The following NKPD1 variants were observed in gnomAD, a reference collection of about 807,000 sequenced individuals.
NKPD1 encodes NTPase KAP family P-loop domain-containing protein 1.
NKPD1 carries 37 observed loss-of-function variants against 42.2 expected under a neutral mutation model. The observed-to-expected ratio is 0.88, with a 90% confidence interval of 0.67 to 1.15. The LOEUF (loss-of-function observed/expected upper bound fraction) is 1.15. Ranked by LOEUF, NKPD1 falls within the 50% of genes most tolerant of loss-of-function variation. The probability of loss-of-function intolerance (pLI) is 0.00; values close to 1 mark genes in which losing one functional copy is unlikely to be tolerated. For missense variants in NKPD1, 1,113 were observed against 1,174.6 expected, an observed-to-expected ratio of 0.95 and a Z score of 0.77; for synonymous variants, 552 against 536.5, an observed-to-expected ratio of 1.03 and a Z score of -0.40.
chr19:45,155,186 T>C (rs913747692), intron 4 of NKPD1, among the ~76,000 whole-genome samples: 5 of 151,540 alleles, frequency 3.3e-5, no homozygotes, highest in Non-Finnish European at 7.4e-5. Flanking sequence ...GGCGTGGTGG[T>C]GAGCGCCTGT....
intron 3 of NKPD1, among the ~76,000 whole-genome samples, chr19:45,156,540 A>G (rs904759222): frequency 6.6e-6 from 1 of 152,172 alleles, no homozygotes; most frequent in Non-Finnish European, 1.5e-5. Flanking sequence ...TTCCCTCTGA[A>G]GAGTGGGGCA....
At position 45,160,720 on chromosome 19, in the gene NKPD1, G is replaced by A. The variant is rs145186005; in HGVS notation, c.-72+205C>T. The stretch of plus-strand genomic sequence containing the variant: ...AATTGTGAGGGAGCAATGAAATCGC[G>A]GTGGTCCAATTTGGGGAGAGGCTCA... On this transcript the variant is annotated intron_variant, in intron 1 of 4. Coordinates refer to ENST00000686631, the MANE Select transcript of NKPD1 (RefSeq NM_198478.4). Among the ~76,000 whole-genome samples the A allele has an allele frequency of 7.2e-4, 109 of 152,132 alleles. 1 individual carries two copies. The East Asian group carries it at 0.019, about 26-fold the overall frequency.
Position 45,153,568 on chromosome 19 carries a change from T to C in NKPD1, c.869A>G (p.Asp290Gly). Residue 290 changes from aspartate to glycine, a missense_variant, in exon 5 of 5, where the codon GAC becomes GGC. This residue lies in a region of NKPD1 where 867 missense variants were observed against 870.1 expected (regional missense o/e 1.00). Coordinates refer to ENST00000686631, the MANE Select transcript of NKPD1 (RefSeq NM_198478.4). ...RFSAWQYAGT[D>G]KLWAGLVTTL... ...GGTCACCAGGCCGGCCCACAGCTTG[T>C]CGGTGCCCGCGTACTGCCAGGCGCT... The C allele has an allele frequency of 6.4e-7, 1 of 1,555,890 alleles. No individual in the cohort carries two copies. The highest frequency in any genetic ancestry group is 8.7e-7 in the Non-Finnish European group (1 of 1,147,208).
chr19:45,155,930 G>A lies in NKPD1; in HGVS notation c.530-14C>T, dbSNP rs573507874. On this transcript the variant is annotated splice_polypyrimidine_tract_variant and intron_variant, in intron 3 of 4. Transcript: ENST00000686631. ...CTGTCAGGATGTCTGGTGGTTGGGA[G>A]TGGGGACACTGAGTCAGGACCACTG... 4.6e-6 allele frequency: 6 copies of A among 1,303,190 alleles called. No individual in the cohort carries two copies. The Admixed American group carries it at 6.9e-5, about 15-fold the overall frequency. 80.7% of individuals were successfully genotyped at this position (1,303,190 alleles called of 1,614,324 possible). A position where few individuals can be genotyped will look rare whatever the true frequency, so the allele number is the denominator to read the frequency against.
At chr19:45,153,922 A>AATT in intron 4 of NKPD1, 147 bp from the exon 5 acceptor site, 1 of 764,868 alleles carries the variant, frequency 1.3e-6, no homozygotes, top group Non-Finnish European at 1.9e-6. Context: ...CCGCTCCTTA[A>AATT]AGAGCTGGAA....
chr19:45,157,227 G>A (rs1968919920), intron 3 of NKPD1, among the ~76,000 whole-genome samples: 1 of 152,160 alleles, frequency 6.6e-6, no homozygotes, highest in African/African-American at 2.4e-5. Context: ...TCCATCCTCG[G>A]CTCCTGCCTC....
At position 45,152,510 on chromosome 19, in the gene NKPD1, C is replaced by T. The variant is rs1568455991; in HGVS notation, c.1927G>A (p.Gly643Arg). ...CGCGGCGTGGGGCCCCCAAAGTCCC[C>T]CTGCTGCTGCTGCTGCTGCAGCAGG... Reference protein sequence around the residue: ...VRLLQQQQQQGDFGGPTPRQA... With the variant: ...VRLLQQQQQQRDFGGPTPRQA... The change falls in exon 5 of 5, where the codon GGG (glycine) becomes AGG (arginine). Residue 643 changes from glycine (G) to arginine (R), a missense_variant. Physicochemically the swap from Gly to Arg is moderately radical, Grantham distance 125. Transcript: ENST00000686631. 3 of 1,568,274 alleles carry T rather than the reference C, an allele frequency of 1.9e-6. No individual in the cohort carries two copies. Among genetic ancestry groups the T allele is most frequent in the South Asian group, 2.3e-5 (2 of 87,258 alleles).
At position 45,150,756 on chromosome 19, in the gene NKPD1, C is replaced by T. The variant is rs894724436; in HGVS notation, c.*1182G>A. The T allele has an allele frequency of 1.3e-5, 2 of 152,306 alleles. No individual in the cohort carries two copies. The highest frequency in any genetic ancestry group is 2.9e-5 in the Non-Finnish European group (2 of 68,096). The allele number at this position is 152,306 out of a possible 1,614,324, so 9.4% of individuals were successfully genotyped here. On this transcript the variant is annotated 3_prime_UTR_variant, in exon 5 of 5. Transcript: ENST00000686631. ...GAGAACTCCGGTGCTGCAGCCAGAC[C>T]TGGATGCTATGCCCAGCCTTGGAAC... is the stretch of plus-strand genomic sequence containing the variant.
chr19:45,162,557 T>C (rs749809354), upstream of NKPD1, among the ~76,000 whole-genome samples: 3 of 151,460 alleles, frequency 2.0e-5, no homozygotes, highest in Non-Finnish European at 3.0e-5. Context: ...GCAGCAGGAG[T>C]GCGTAGGGGC....
Position 45,158,317 on chromosome 19 carries a change from G to A in NKPD1, c.529+346C>T, listed in dbSNP as rs1764432531. Among the ~76,000 whole-genome samples the A allele has an allele frequency of 6.6e-6, 1 of 152,210 alleles. No homozygotes were observed. Among genetic ancestry groups the A allele is most frequent in the South Asian group, 2.1e-4 (1 of 4,830 alleles). On this transcript the variant is annotated intron_variant, in intron 3 of 4. Transcript: ENST00000686631. This position sits in a 1 kb window ranked among gnomAD's most constrained non-coding sequence, Gnocchi z 4.6. ...CAACAACCCAGGGCTCACCATCCCTGCCCCATGTACCCTGTACCCTGCTGA... is the reference window on the plus strand; with the variant it reads ...CAACAACCCAGGGCTCACCATCCCTACCCCATGTACCCTGTACCCTGCTGA...
At position 45,151,583 on chromosome 19, in the gene NKPD1, G is replaced by T. The variant is rs940266277; in HGVS notation, c.*355C>A. On this transcript the variant is annotated 3_prime_UTR_variant, in exon 5 of 5. Coordinates refer to ENST00000686631, the MANE Select transcript of NKPD1 (RefSeq NM_198478.4). ...TGCCAGATGAGGAGGCCAGCATGGT[G>T]CAGAGGAGTAAGTGGGCTTAGCAGG... 1.3e-5 allele frequency: 3 copies of T among 230,812 alleles called. No individual in the cohort carries two copies. The highest frequency in any genetic ancestry group is 2.5e-5 in the Non-Finnish European group (3 of 119,926). The allele number at this position is 230,812 out of a possible 1,614,324, so 14.3% of individuals were successfully genotyped here.
At chr19:45,153,943 A>G in intron 4 of NKPD1, 168 bp from the exon 5 acceptor site, 1 of 652,642 alleles carries the variant, frequency 1.5e-6, no homozygotes, top group Non-Finnish European at 2.3e-6. Flanking sequence ...GCCGGTGCAG[A>G]AGCGGGGGCG....
At chr19:45,156,059 T>C in intron 3 of NKPD1, 143 bp from the exon 4 acceptor site, 1 of 743,022 alleles carries the variant, frequency 1.3e-6, no homozygotes, top group Non-Finnish European at 1.9e-6. Context: ...GCAGTGGAGG[T>C]TTCTGTGGCC....
chr19:45,157,448 G>C (rs1968924141), intron 3 of NKPD1, among the ~76,000 whole-genome samples: 1 of 152,206 alleles, frequency 6.6e-6, no homozygotes. Flanking sequence ...GTCTTGCTCT[G>C]TCACCCAGGC....
In NKPD1 at chr19:45,160,101, T is replaced by C. The variant is rs767653791; in HGVS notation, c.50A>G (p.Asn17Ser). The change falls in exon 2 of 5, where the codon AAC (asparagine) becomes AGC (serine). Residue 17 changes from asparagine (N) to serine (S), a missense_variant. Physicochemically the swap from Asn to Ser is conservative, Grantham distance 46 (BLOSUM62 1). Around this residue, in one of 3 missense-constraint regions of NKPD1, gnomAD observed 204 missense variants for 227.8 expected, o/e 0.90. Transcript: ENST00000686631. ...VHFAKDAQSPNGHYFWDPELG... is the reference protein window; with the variant it reads ...VHFAKDAQSPSGHYFWDPELG... ...CTCTGGGTCCCAGAAGTAGTGCCCG[T>C]TGGGGCTCTGGGCATCCTTGGCGAA... 7.7e-7 allele frequency: 1 copy of C among 1,304,812 alleles called. No homozygotes were observed. Among genetic ancestry groups the C allele is most frequent in the African/African-American group, 1.5e-5 (1 of 65,966 alleles). 80.8% of individuals were successfully genotyped at this position (1,304,812 alleles called of 1,614,324 possible).
Position 45,153,207 on chromosome 19 carries a change from CT to C in NKPD1, c.1229del (p.Lys410ArgfsTer21). ...TTTCACGCGACACCAGCCGCTCGAT[CT>C]TCTTGCGCTGGCTTACGAACAGGTG... Reference protein sequence around the residue: ...GKHLFVSQRKKIERLVSREKF... With the variant: ...GKHLFVSQRKXIERLVSREKF... On this transcript the variant is annotated frameshift_variant, in exon 5 of 5. Coordinates refer to ENST00000686631, the MANE Select transcript of NKPD1 (RefSeq NM_198478.4). LOFTEE classifies it high-confidence loss of function. 1 of 1,593,964 alleles carries C rather than the reference CT, an allele frequency of 6.3e-7. No individual in the cohort carries two copies.
upstream of NKPD1, among the ~76,000 whole-genome samples, chr19:45,162,566 G>A (rs1341240469): frequency 6.6e-6 from 1 of 152,114 alleles, no homozygotes; most frequent in Non-Finnish European, 1.5e-5. Flanking sequence ...GTGCGTAGGG[G>A]CCGCGTGTGT....
rs751798568 is a variant in NKPD1, at chr19:45,151,970, G to C, written c.2467C>G (p.Arg823Gly). 9 of 1,594,376 alleles carry C rather than the reference G, an allele frequency of 5.6e-6. No homozygotes were observed. The South Asian group carries it at 7.8e-5, about 14-fold the overall frequency. Residue 823 changes from arginine (R) to glycine (G), a missense_variant, in exon 5 of 5, where the codon CGT becomes GGT. This residue lies in a region of NKPD1 where 867 missense variants were observed against 870.1 expected (regional missense o/e 1.00). Coordinates refer to ENST00000686631, the MANE Select transcript of NKPD1 (RefSeq NM_198478.4). Reference sequence around the variant, plus strand: ...CCACCTGGGCTGGATTGCCCTGGACGGAAGAGCGCACAGGCCACCGGCCAT... The same window carrying C: ...CCACCTGGGCTGGATTGCCCTGGACCGAAGAGCGCACAGGCCACCGGCCAT... ...KLWPVACALF[R>G]PGQSSPGGP
rs1256214981 is a variant in NKPD1, at chr19:45,160,182, C to T, written c.-32G>A. On this transcript the variant is annotated 5_prime_UTR_variant, in exon 2 of 5. Transcript: ENST00000686631. ...CGGGCAGCTGGGTGCTGGGGGCCTG[C>T]TCCTGAGGCAGGAGGGAGCACACAG... is the stretch of plus-strand genomic sequence containing the variant. 6.3e-6 allele frequency: 8 copies of T among 1,260,578 alleles called. No individual in the cohort carries two copies. The South Asian group carries it at 7.5e-5, about 12-fold the overall frequency. The allele number at this position is 1,260,578 out of a possible 1,614,324, so 78.1% of individuals were successfully genotyped here.
Sources: gnomAD v4.1 joint callset for allele counts (sites outside exome capture counted in the v4.1 genomes callset) on GRCh38, gnomAD v4.1.1 for gene constraint, gnomAD v4.1.1 regional missense constraint, Gnocchi (gnomAD v3.1) non-coding constraint, MANE v1.5 for transcripts, NCBI Gene and HGNC (gene_info 2026-07-23, HGNC 2026-07-21) for gene names.